The following CSNK1G1 variants were observed in gnomAD, a reference collection of about 807,000 sequenced individuals.
CSNK1G1 encodes the protein casein kinase 1 gamma 1, also known as casein kinase I isoform gamma-1.
CSNK1G1 carries 22 observed loss-of-function variants against 59.6 expected under a neutral mutation model. The ratio of observed to expected loss-of-function variants is 0.37; its 90% confidence interval spans 0.26 to 0.53. The LOEUF (loss-of-function observed/expected upper bound fraction) is 0.53. CSNK1G1 is among the 20% of genes least tolerant of loss of function. The pLI is 0.89. For missense variants in CSNK1G1, 384 were observed against 519.5 expected (o/e 0.74, Z 2.54); for synonymous variants, 179 against 177.1 (o/e 1.01, Z -0.08).
intron 2 of CSNK1G1, among the ~76,000 whole-genome samples, chr15:64,260,403 A>C (rs902396719): frequency 1.3e-5 from 2 of 152,184 alleles, no homozygotes. Flanking sequence ...AATATAAAAT[A>C]GTTTTACTAT....
rs752333445 is a variant in CSNK1G1, at chr15:64,166,044, T to C, written c.*5887A>G. On this transcript the variant is annotated 3_prime_UTR_variant, in exon 12 of 12. Transcript: ENST00000303052. This position sits in a 1 kb window ranked among gnomAD's most constrained non-coding sequence, Gnocchi z 4.5. ...CAAATTTCATTTTCACAGCTGAGCT[T>C]TGTGACCAGTGCCAGGGTTTATGAA... 5.9e-6 allele frequency: 4 copies of C among 678,794 alleles called. No homozygotes were observed. The highest frequency in any genetic ancestry group is 4.8e-5 in the South Asian group (3 of 62,210). The allele number at this position is 678,794 out of a possible 1,614,324, so 42.0% of individuals were successfully genotyped here. A position where few individuals can be genotyped will look rare whatever the true frequency, so the allele number is the denominator to read the frequency against.
intron 10 of CSNK1G1, among the ~76,000 whole-genome samples, chr15:64,202,008 C>A (rs984664235): frequency 2.0e-5 from 3 of 151,996 alleles, no homozygotes; most frequent in Non-Finnish European, 2.9e-5. Flanking sequence ...ATTTACTTCC[C>A]AAATACATAA....
intron 2 of CSNK1G1, among the ~76,000 whole-genome samples, chr15:64,277,809 TTAATATTGATATATTTAATAA>T (rs1259736707): frequency 6.8e-4 from 90 of 132,096 alleles, no homozygotes; most frequent in South Asian, 1.3e-3. Context: ...ATTTAATATA[TTAATATTGATATATTTAATAA>T]TAATATTGAT....
At chr15:64,194,837 C>A (rs1305399639) in intron 10 of CSNK1G1, among the ~76,000 whole-genome samples, 5 of 152,130 alleles carry the variant, frequency 3.3e-5, no homozygotes, top group African/African-American at 1.2e-4. Flanking sequence ...GGCTTTATGT[C>A]CTTTAAATGT....
At chr15:64,184,405 G>A (rs1009954889) in intron 10 of CSNK1G1, among the ~76,000 whole-genome samples, 1 of 151,728 alleles carries the variant, frequency 6.6e-6, no homozygotes, top group Non-Finnish European at 1.5e-5. Context: ...GGCCAGGCAC[G>A]GTGGCTCGTG....
intron 1 of CSNK1G1, among the ~76,000 whole-genome samples, chr15:64,318,971 C>T (rs1896417705): frequency 6.6e-6 from 1 of 151,952 alleles, no homozygotes; most frequent in Non-Finnish European, 1.5e-5. Flanking sequence ...CTTGCTCAGT[C>T]TCCTGAGTAG....
intron 4 of CSNK1G1, among the ~76,000 whole-genome samples, chr15:64,219,777 CTT>C (rs750402203): frequency 1.1e-4 from 15 of 136,248 alleles, no homozygotes; most frequent in Non-Finnish European, 1.4e-4. Flanking sequence ...CTTTTCTTTT[CTT>C]TTTTTTTTTT....
chr15:64,219,816 C>T (rs2082362902), intron 4 of CSNK1G1, among the ~76,000 whole-genome samples: 1 of 147,688 alleles, frequency 6.8e-6, no homozygotes, highest in South Asian at 2.1e-4. Flanking sequence ...GCTCTGTTGC[C>T]AGGCTGGAGT....
chr15:64,236,142 C>CAAAAAAAAAAAAAAA (rs532663571), intron 4 of CSNK1G1, among the ~76,000 whole-genome samples: 14 of 67,878 alleles, frequency 2.1e-4, no homozygotes, highest in East Asian at 1.1e-3. Context: ...GACTCCATCT[C>CAAAAAAAAAAAAAAA]AAAAAAAAAA....
At chr15:64,309,309 AACACACACACACACACACACAC>A (rs66467610) in intron 1 of CSNK1G1, among the ~76,000 whole-genome samples, 3 of 146,388 alleles carry the variant, frequency 2.0e-5, no homozygotes, top group African/African-American at 5.1e-5. Context: ...TAGTGAATAA[AACACACACACACACACACACAC>A]ACACACACAC....
At chr15:64,326,256 C>A (rs1896828536) in intron 1 of CSNK1G1, among the ~76,000 whole-genome samples, 1 of 152,124 alleles carries the variant, frequency 6.6e-6, no homozygotes, top group Non-Finnish European at 1.5e-5. Context: ...GAACTCTTGG[C>A]CTCAAGTGAT....
chr15:64,236,924 G>A (rs115125677), intron 4 of CSNK1G1, among the ~76,000 whole-genome samples: 6 of 152,182 alleles, frequency 3.9e-5, no homozygotes, highest in Admixed American at 3.9e-4. Flanking sequence ...TAAAGAAAAT[G>A]TGGTATACAT....
chr15:64,262,866 G>C (rs995615643), intron 2 of CSNK1G1, among the ~76,000 whole-genome samples: 1 of 152,032 alleles, frequency 6.6e-6, no homozygotes, highest in East Asian at 1.9e-4. Context: ...ATCACCTGAG[G>C]TCAGGAATTC....
Position 64,181,099 on chromosome 15 carries a change from G to C in CSNK1G1, c.1108-645C>G, listed in dbSNP as rs555703530. ...TCCTCATGGCTTTGAGCACTGGTTC[G>C]AAGTTACAAATAACAAGATTGTCAC... On this transcript the variant is annotated intron_variant, in intron 10 of 11. Coordinates refer to ENST00000303052, the MANE Select transcript of CSNK1G1 (RefSeq NM_022048.5). 2.9e-5 allele frequency: 41 copies of C among 1,390,490 alleles called. No individual in the cohort carries two copies. The East Asian group carries it at 1.0e-3, about 35-fold the overall frequency. 86.1% of individuals were successfully genotyped at this position (1,390,490 alleles called of 1,614,324 possible).
intron 11 of CSNK1G1, among the ~76,000 whole-genome samples, chr15:64,179,572 C>G (rs2081784132): frequency 6.6e-6 from 1 of 152,204 alleles, no homozygotes; most frequent in African/African-American, 2.4e-5. Context: ...CTATCTCTCC[C>G]TACCTGGTAT....
intron 4 of CSNK1G1, among the ~76,000 whole-genome samples, chr15:64,246,779 G>T (rs1000327151): frequency 1.3e-5 from 2 of 151,800 alleles, no homozygotes; most frequent in Admixed American, 1.3e-4. Context: ...GAAATTTCAG[G>T]TTATGTCAGA....
chr15:64,280,160 G>A (rs78390818), intron 2 of CSNK1G1, among the ~76,000 whole-genome samples: 1,891 of 152,112 alleles, frequency 0.012, 29 homozygotes, highest in African/African-American at 0.044. Context: ...GTATATACGC[G>A]CGCACACACA....
intron 2 of CSNK1G1, among the ~76,000 whole-genome samples, chr15:64,260,154 C>A (rs1468894383): frequency 6.6e-6 from 1 of 152,172 alleles, no homozygotes; most frequent in African/African-American, 2.4e-5. Flanking sequence ...TCTCTTCTTA[C>A]ACGTTTGCCT....
intron 11 of CSNK1G1, among the ~76,000 whole-genome samples, chr15:64,179,739 G>A (rs2081786791): frequency 6.6e-6 from 1 of 152,184 alleles, no homozygotes; most frequent in Non-Finnish European, 1.5e-5. Context: ...TGGTGGTATG[G>A]GTGGGGCAAG....
Sources: gnomAD v4.1 joint callset for allele counts (sites outside exome capture counted in the v4.1 genomes callset) on GRCh38, gnomAD v4.1.1 for gene constraint, Gnocchi (gnomAD v3.1) non-coding constraint, MANE v1.5 for transcripts, NCBI Gene and HGNC (gene_info 2026-07-23, HGNC 2026-07-21) for gene names.